The following PTPRG variants were observed in gnomAD, a reference collection of about 807,000 sequenced individuals.
PTPRG encodes receptor-type tyrosine-protein phosphatase gamma.
Under a neutral mutation model 165.3 loss-of-function variants are expected in PTPRG, and 102 were observed. The observed-to-expected ratio is 0.62, with a 90% CI of 0.53 to 0.73. PTPRG has a LOEUF of 0.73. PTPRG is among the 30% of genes least tolerant of loss of function. The probability of loss-of-function intolerance (pLI) is 0.00; values close to 1 mark genes in which losing one functional copy is unlikely to be tolerated. For missense variants in PTPRG, 1,866 were observed against 1,861.4 expected, an observed-to-expected ratio of 1.00 and a Z score of -0.05; for synonymous variants, 675 against 669.5, an observed-to-expected ratio of 1.01 and a Z score of -0.13.
intron 10 of PTPRG, 57 bp from the exon 11 acceptor site, chr3:62,201,447 TC>T: frequency 7.4e-7 from 1 of 1,358,606 alleles, no homozygotes; most frequent in Non-Finnish European, 1.0e-6. Flanking sequence ...ATAAGGAATA[TC>T]TTGTTAGAGC....
At position 62,203,643 on chromosome 3, in the gene PTPRG, G is replaced by T; in HGVS notation, c.1848G>T (p.Glu616Asp). 6.4e-7 allele frequency: 1 copy of T among 1,559,410 alleles called. No homozygotes were observed. The highest frequency in any genetic ancestry group is 8.7e-7 in the Non-Finnish European group (1 of 1,151,074). The change falls in exon 12 of 30, where the codon GAG becomes GAT. Residue 616 changes from glutamate (E) to aspartate (D), a missense_variant. Glu to Asp is a conservative substitution (Grantham distance 45). Transcript: ENST00000474889. This position sits in a 1 kb window ranked among gnomAD's most constrained non-coding sequence, Gnocchi z 6.4. The part of the protein sequence containing the change: ...KEKSGVTHAA[E>D]ERNQTEPSPT... ...AGAGTGGGGTGACCCACGCTGCCGA[G>T]GAGCGGAATCAGACGGAGCCCAGCC...
At chr3:61,727,550 T>G (rs2032318031) in intron 1 of PTPRG, among the ~76,000 whole-genome samples, 1 of 152,156 alleles carries the variant, frequency 6.6e-6, no homozygotes, top group African/African-American at 2.4e-5. Context: ...GTAAAGTTGG[T>G]TTAAAGGACA....
rs550291321 is a variant in PTPRG, at chr3:61,882,031, G to A, written c.191-107594G>A. On this transcript the variant is annotated intron_variant, in intron 2 of 29. Coordinates refer to ENST00000474889, the MANE Select transcript of PTPRG (RefSeq NM_002841.4). ...CTGGGGGTAAGAGCTTATGCGAAGG[G>A]AGTTCTACATTTGATTGACTCCTAG... Among the ~76,000 whole-genome samples the A allele has an allele frequency of 7.9e-5, 12 of 152,288 alleles. No individual in the cohort carries two copies. The East Asian group carries it at 1.9e-3, about 24-fold the overall frequency.
rs189990746 is a variant in PTPRG, at chr3:62,240,735, C to T, written c.2376-3072C>T. ...TAAGGCTCTTCAACTAGCTGCTTGA[C>T]CTGCCTAAAATGGTCTTCCTCCAGA... On this transcript the variant is annotated intron_variant, in intron 14 of 29. Coordinates refer to ENST00000474889, the MANE Select transcript of PTPRG (RefSeq NM_002841.4). The surrounding 1 kb of genome is among the most constrained non-coding windows in gnomAD (Gnocchi z 5.1). Among the ~76,000 whole-genome samples the T allele has an allele frequency of 1.3e-5, 2 of 152,196 alleles. No homozygotes were observed. Among genetic ancestry groups the T allele is most frequent in the African/African-American group, 4.8e-5 (2 of 41,446 alleles).
intron 2 of PTPRG, among the ~76,000 whole-genome samples, chr3:61,941,576 G>A (rs1473351414): frequency 6.6e-6 from 1 of 152,070 alleles, no homozygotes; most frequent in Non-Finnish European, 1.5e-5. Context: ...TGAGCCGAGA[G>A]CGCCACTGCA....
intron 1 of PTPRG, among the ~76,000 whole-genome samples, chr3:61,716,795 A>G (rs1236180121): frequency 6.6e-6 from 1 of 152,084 alleles, no homozygotes; most frequent in Non-Finnish European, 1.5e-5. Context: ...AGATGGTGAA[A>G]CCCCATCTCT....
chr3:61,947,839 A>G (rs879847445), intron 2 of PTPRG, among the ~76,000 whole-genome samples: 1 of 152,212 alleles, frequency 6.6e-6, no homozygotes, highest in African/African-American at 2.4e-5. Context: ...AACTTGTCTA[A>G]TTGCCAAGTG....
intron 14 of PTPRG, among the ~76,000 whole-genome samples, chr3:62,242,728 A>G (rs528688602): frequency 1.6e-4 from 24 of 152,200 alleles, no homozygotes; most frequent in Admixed American, 2.6e-4. Context: ...CAATGGAATC[A>G]TCCCAGGATA....
chr3:61,687,403 C>A (rs1337155997), intron 1 of PTPRG, among the ~76,000 whole-genome samples: 1 of 152,188 alleles, frequency 6.6e-6, no homozygotes, highest in Non-Finnish European at 1.5e-5. Context: ...GTTAATGATT[C>A]TTCCCGGCAG....
intron 1 of PTPRG, among the ~76,000 whole-genome samples, chr3:61,611,675 A>G (rs1049571129): frequency 5.3e-5 from 8 of 152,146 alleles, no homozygotes; most frequent in Non-Finnish European, 7.3e-5. Flanking sequence ...GACATTTTCA[A>G]CTTTGCAGGC....
chr3:61,592,884 A>G (rs1420438784), intron 1 of PTPRG, among the ~76,000 whole-genome samples: 3 of 152,032 alleles, frequency 2.0e-5, no homozygotes, highest in African/African-American at 7.2e-5. Context: ...GCATGGCCCC[A>G]TCCTTGACCT....
intron 2 of PTPRG, among the ~76,000 whole-genome samples, chr3:61,787,067 C>T (rs925803793): frequency 6.6e-6 from 1 of 151,968 alleles, no homozygotes; most frequent in African/African-American, 2.4e-5. Context: ...CTAAAAGAAT[C>T]GCTTATATTT....
At chr3:62,293,083 A>G (rs1250884528) in intron 29 of PTPRG, 78 bp from the exon 30 acceptor site, 4 of 1,256,370 alleles carry the variant, frequency 3.2e-6, no homozygotes, top group Non-Finnish European at 3.2e-6. Flanking sequence ...CACAATTACC[A>G]TTTTAATTGG....
Position 62,072,151 on chromosome 3 carries a change from A to G in PTPRG, c.520-6012A>G, listed in dbSNP as rs537849793. On this transcript the variant is annotated intron_variant, in intron 4 of 29. Coordinates refer to ENST00000474889, the MANE Select transcript of PTPRG (RefSeq NM_002841.4). Reference sequence around the variant, plus strand: ...GGTGGACATTTTGTTGTCACTTTGTATGTATCACACTAGTACCTTACAACA... The same window carrying G: ...GGTGGACATTTTGTTGTCACTTTGTGTGTATCACACTAGTACCTTACAACA... Among the ~76,000 whole-genome samples, 4 of 152,312 alleles carry G rather than the reference A, an allele frequency of 2.6e-5. No homozygotes were observed. In the South Asian group the frequency reaches 6.2e-4, roughly 24 times the overall value.
chr3:62,003,565 C>T, intron 4 of PTPRG, 68 bp downstream of exon 4: 2 of 1,572,738 alleles, frequency 1.3e-6, no homozygotes, highest in Non-Finnish European at 1.7e-6. Flanking sequence ...ATGCTGTGCC[C>T]TTACCCTCAG....
chr3:61,563,164 G>C (rs1199226794), intron 1 of PTPRG, among the ~76,000 whole-genome samples: 1 of 66,168 alleles, frequency 1.5e-5, no homozygotes, highest in African/African-American at 4.6e-5. Context: ...GGCCGGGGCG[G>C]TTTCGGCGGC....
At chr3:61,689,691 T>G (rs1432335251) in intron 1 of PTPRG, among the ~76,000 whole-genome samples, 1 of 152,186 alleles carries the variant, frequency 6.6e-6, no homozygotes, top group Non-Finnish European at 1.5e-5. Context: ...CCAGGTAAGG[T>G]AGCATTTGGA....
chr3:61,749,056 T>C (rs760663113), intron 2 of PTPRG, 74 bp downstream of exon 2: 5 of 1,191,088 alleles, frequency 4.2e-6, no homozygotes, highest in Middle Eastern at 1.9e-4. Flanking sequence ...AAGCACACTT[T>C]GAATCACTTT....
At chr3:61,917,174 A>G (rs2038961262) in intron 2 of PTPRG, among the ~76,000 whole-genome samples, 1 of 152,036 alleles carries the variant, frequency 6.6e-6, no homozygotes, top group African/African-American at 2.4e-5. Flanking sequence ...GAGGCCTGCC[A>G]AGTTAGACGC....
Sources: allele counts gnomAD v4.1 joint callset (sites outside exome capture counted in the v4.1 genomes callset), GRCh38; gene constraint gnomAD v4.1.1; non-coding constraint Gnocchi (gnomAD v3.1); transcripts MANE v1.5; gene names NCBI Gene and HGNC (gene_info 2026-07-23, HGNC 2026-07-21).